EIF4A1: variants seen among roughly 807,000 people sequenced by gnomAD.
The protein encoded by EIF4A1 is eukaryotic translation initiation factor 4A1.
In EIF4A1, 11 loss-of-function variants were observed where a neutral mutation model predicts 53.5. The ratio of observed to expected loss-of-function variants is 0.21; its 90% confidence interval spans 0.13 to 0.34. EIF4A1 has a LOEUF of 0.34. EIF4A1 is among the 10% of genes least tolerant of loss of function. EIF4A1 has a pLI of 1.00. For synonymous variants in EIF4A1, 237 were observed against 186.7 expected (o/e 1.27, Z -2.20); for missense variants, 213 against 530.8 (o/e 0.40, Z 5.88).
chr17:7,578,444 C>T lies in EIF4A1; in HGVS notation c.1179C>T (p.Thr393=), dbSNP rs1233461168. ...GAGACATTGAGACCTTCTACAACAC[C>T]TCCATTGAGGAAATGCCCCTCAATG... The part of the protein sequence containing the change: ...TLRDIETFYN[T]SIEEMPLNVA... The change falls in exon 11 of 11, where the codon ACC becomes ACT. Residue 393 remains threonine, a synonymous_variant. Transcript: ENST00000293831. 2.5e-6 allele frequency: 4 copies of T among 1,612,996 alleles called. No individual in the cohort carries two copies. The highest frequency in any genetic ancestry group is 1.6e-4 in the Middle Eastern group (1 of 6,062).
In EIF4A1 at chr17:7,576,683, A is replaced by C. The variant is rs910695331; in HGVS notation, c.505A>C (p.Arg169=). ...CCGTGTGTTTGATATGCTTAACCGG[A>C]GATACCTGTGTGAGTAATTCGGTTC... ...PGRVFDMLNR[R]YLSPKYIKMF... Residue 169 remains arginine, a synonymous_variant, in exon 5 of 11, where the codon AGA becomes CGA. Transcript: ENST00000293831. 6.2e-7 allele frequency: 1 copy of C among 1,605,472 alleles called. No individual in the cohort carries two copies. The highest frequency in any genetic ancestry group is 8.5e-7 in the Non-Finnish European group (1 of 1,175,348).
intron 3 of EIF4A1, 189 bp downstream of exon 3, chr17:7,574,867 T>C (rs1417813638): frequency 8.9e-7 from 1 of 1,119,804 alleles, no homozygotes; most frequent in Admixed American, 1.7e-5. Context: ...AAAGAGGTGG[T>C]ATTGTAGCCA....
chr17:7,576,837 A>T (rs2071408057), intron 5 of EIF4A1, 145 bp downstream of exon 5: 1 of 1,468,280 alleles, frequency 6.8e-7, no homozygotes, highest in Non-Finnish European at 9.4e-7. Context: ...CATGCGTGTC[A>T]TCTGAGCCTC....
At chr17:7,574,491 C>T in intron 2 of EIF4A1, 55 bp from the exon 3 acceptor site, 4 of 1,610,302 alleles carry the variant, frequency 2.5e-6, no homozygotes, top group Non-Finnish European at 3.4e-6. Flanking sequence ...TCGGAGACTA[C>T]AGCTCAGCTC....
chr17:7,572,865 G>A lies in EIF4A1; in HGVS notation c.23+1G>A. Reference sequence around the variant, plus strand: ...TCATGTCTGCGAGCCAGGATTCCCGGTAAGAAAGGCATTTGCAAGAGATTG... The same window carrying A: ...TCATGTCTGCGAGCCAGGATTCCCGATAAGAAAGGCATTTGCAAGAGATTG... On this transcript the variant is annotated splice_donor_variant, in intron 1 of 10. Transcript: ENST00000293831. LOFTEE classifies it high-confidence loss of function. 1 of 1,614,160 alleles carries A rather than the reference G, an allele frequency of 6.2e-7. No homozygotes were observed. The highest frequency in any genetic ancestry group is 8.5e-7 in the Non-Finnish European group (1 of 1,179,978).
Position 7,577,685 on chromosome 17 carries a change from A to G in EIF4A1, c.885A>G (p.Arg295=). The G allele has an allele frequency of 6.2e-7, 1 of 1,612,778 alleles. No homozygotes were observed. Among genetic ancestry groups the G allele is most frequent in the Non-Finnish European group, 8.5e-7 (1 of 1,179,866 alleles). ...GGCTCACCGAGAAGATGCATGCTCG[A>G]GATTTCACTGTATCCGCCATGGTGT... ...VDWLTEKMHA[R]DFTVSAMHGD... Residue 295 remains arginine, a synonymous_variant, in exon 8 of 11, where the codon CGA becomes CGG. Coordinates refer to ENST00000293831, the MANE Select transcript of EIF4A1 (RefSeq NM_001416.4). The surrounding 1 kb of genome is among the most constrained non-coding windows in gnomAD (Gnocchi z 4.7).
At position 7,577,969 on chromosome 17, in the gene EIF4A1, C is replaced by A; in HGVS notation, c.996+53C>A. 6.2e-7 allele frequency: 1 copy of A among 1,609,158 alleles called. No individual in the cohort carries two copies. Among genetic ancestry groups the A allele is most frequent in the South Asian group, 1.1e-5 (1 of 90,962 alleles). Reference sequence around the variant, plus strand: ...CAGAAGGGAGGATCCAAGGTGATTCCCTCTCCAAGGGGACATCAGTGCCTC... The same window carrying A: ...CAGAAGGGAGGATCCAAGGTGATTCACTCTCCAAGGGGACATCAGTGCCTC... On this transcript the variant is annotated intron_variant, in intron 9 of 10. Coordinates refer to ENST00000293831, the MANE Select transcript of EIF4A1 (RefSeq NM_001416.4). The surrounding 1 kb of genome is among the most constrained non-coding windows in gnomAD (Gnocchi z 4.7).
In EIF4A1 at chr17:7,577,389, A is replaced by T; in HGVS notation, c.670A>T (p.Thr224Ser). 3.1e-6 allele frequency: 5 copies of T among 1,614,066 alleles called. No individual in the cohort carries two copies. Among genetic ancestry groups the T allele is most frequent in the Non-Finnish European group, 3.4e-6 (4 of 1,180,018 alleles). ...ATMPSDVLEV[T>S]KKFMRDPIRI... The stretch of plus-strand genomic sequence containing the variant: ...AATGCCTTCTGATGTGCTTGAGGTG[A>T]CCAAGAAGTTCATGAGGGACCCCAT... The change falls in exon 7 of 11, where the codon ACC becomes TCC. Residue 224 changes from threonine to serine, a missense_variant. Thr to Ser is a moderately conservative substitution (Grantham distance 58, BLOSUM62 1). Coordinates refer to ENST00000293831, the MANE Select transcript of EIF4A1 (RefSeq NM_001416.4). The surrounding 1 kb of genome is among the most constrained non-coding windows in gnomAD (Gnocchi z 4.7).
At chr17:7,575,285 C>T (rs751149806) in intron 4 of EIF4A1, 27 bp downstream of exon 4, 4 of 1,613,212 alleles carry the variant, frequency 2.5e-6, no homozygotes, top group Non-Finnish European at 3.4e-6. Context: ...TTCCCTCCTT[C>T]AGGGCTGATT....
chr17:7,578,100 G>A (rs1170958479), intron 9 of EIF4A1, 65 bp from the exon 10 acceptor site: 3 of 1,609,684 alleles, frequency 1.9e-6, no homozygotes, highest in Admixed American at 3.3e-5. Context: ...GGATGCCTAA[G>A]TGTCTTCCCT....
intron 4 of EIF4A1, 27 bp from the exon 5 acceptor site, chr17:7,576,497 T>G (rs754074943): frequency 3.3e-6 from 5 of 1,535,800 alleles, no homozygotes; most frequent in Non-Finnish European, 2.6e-6. Context: ...GTAACTGACA[T>G]ATGAGCACCT....
At chr17:7,575,931 G>A (rs142627346) in intron 4 of EIF4A1, 1 of 160,898 alleles carries the variant, frequency 6.2e-6, no homozygotes, top group Non-Finnish European at 1.4e-5. Context: ...CCAACACTTT[G>A]GGAGGCCAAG....
At chr17:7,576,041 C>T (rs536031129) in intron 4 of EIF4A1, 45 of 155,482 alleles carry the variant, frequency 2.9e-4, no homozygotes, top group South Asian at 2.3e-3. Context: ...GGCATGGTGG[C>T]GTGTGCCTTT....
At chr17:7,572,972 A>G (rs1251660656) in intron 1 of EIF4A1, 108 bp downstream of exon 1, 1 of 1,560,876 alleles carries the variant, frequency 6.4e-7, no homozygotes, top group African/African-American at 1.4e-5. Flanking sequence ...GAGAAACCGA[A>G]CCGGGTGGGG....
At position 7,578,728 on chromosome 17, in the gene EIF4A1, T is replaced by G; in HGVS notation, c.*242T>G. 2 of 342,482 alleles carry G rather than the reference T, an allele frequency of 5.8e-6. No individual in the cohort carries two copies. The highest frequency in any genetic ancestry group is 1.0e-5 in the Non-Finnish European group (2 of 190,800). The allele number at this position is 342,482 out of a possible 1,614,324, so 21.2% of individuals were successfully genotyped here. ...AAAAAAAAAAAAAACACTAATCCAT[T>G]TCCCTAACCTAGTAACCTCCAGATC... On this transcript the variant is annotated 3_prime_UTR_variant, in exon 11 of 11. Transcript: ENST00000293831.
chr17:7,573,008 G>A, intron 1 of EIF4A1, 144 bp downstream of exon 1: 1 of 1,475,538 alleles, frequency 6.8e-7, no homozygotes, highest in South Asian at 1.1e-5. Context: ...GAGGGGCGAG[G>A]GGGAAGACCC....
Position 7,577,982 on chromosome 17 carries a change from A to C in EIF4A1, c.996+66A>C, listed in dbSNP as rs747976442. On this transcript the variant is annotated intron_variant, in intron 9 of 10. Transcript: ENST00000293831. The surrounding 1 kb of genome is among the most constrained non-coding windows in gnomAD (Gnocchi z 4.7). Reference sequence around the variant, plus strand: ...CCAAGGTGATTCCCTCTCCAAGGGGACATCAGTGCCTCTCAGGAAAGTAGC... The same window carrying C: ...CCAAGGTGATTCCCTCTCCAAGGGGCCATCAGTGCCTCTCAGGAAAGTAGC... The C allele has an allele frequency of 4.4e-6, 7 of 1,601,594 alleles. No individual in the cohort carries two copies. Among genetic ancestry groups the C allele is most frequent in the Non-Finnish European group, 5.1e-6 (6 of 1,168,772 alleles).
At chr17:7,574,863 G>A (rs1487062781) in intron 3 of EIF4A1, 185 bp downstream of exon 3, 2 of 1,151,550 alleles carry the variant, frequency 1.7e-6, no homozygotes, top group East Asian at 2.3e-5. Context: ...CTTTAAAGAG[G>A]TGGTATTGTA....
At chr17:7,576,741 C>T (rs369402251) in intron 5 of EIF4A1, 49 bp downstream of exon 5, 63 of 1,568,540 alleles carry the variant, frequency 4.0e-5, no homozygotes, top group East Asian at 2.7e-4. Context: ...CTCTTGTGCA[C>T]GCTTTCCAGT....
Sources: gnomAD v4.1 joint callset for allele counts on GRCh38, gnomAD v4.1.1 for gene constraint, Gnocchi (gnomAD v3.1) non-coding constraint, MANE v1.5 for transcripts, NCBI Gene and HGNC (gene_info 2026-07-23, HGNC 2026-07-21) for gene names.